The following LRRK2 variants were observed in gnomAD, a reference collection of about 807,000 sequenced individuals.
LRRK2 encodes the protein leucine-rich repeat serine/threonine-protein kinase 2.
Under a neutral mutation model 302.6 loss-of-function variants are expected in LRRK2, and 203 were observed. That is an observed-to-expected ratio of 0.67 (90% CI 0.60 to 0.75). The LOEUF (loss-of-function observed/expected upper bound fraction) is 0.75, where lower values mean the gene tolerates loss of function less well. Among genes scored for constraint, LRRK2 ranks in the 30% least tolerant of loss-of-function variants. The pLI is 0.00. For synonymous variants in LRRK2, 1,066 were observed against 1,031.9 expected (o/e 1.03, Z -0.63); for missense variants, 2,830 against 2,951.0 (o/e 0.96, Z 0.95).
intron 33 of LRRK2, 87 bp downstream of exon 33, chr12:40,315,387 G>T: frequency 8.9e-7 from 1 of 1,125,850 alleles, no homozygotes; most frequent in East Asian, 2.4e-5. Flanking sequence ...TTTAGAATTT[G>T]GGTTTAGTTA....
At chr12:40,257,403 A>G in intron 12 of LRRK2, 26 bp downstream of exon 12, 1 of 1,603,552 alleles carries the variant, frequency 6.2e-7, no homozygotes, top group South Asian at 1.1e-5. Flanking sequence ...TAACTTGTAC[A>G]GAATATATCA....
intron 38 of LRRK2, among the ~76,000 whole-genome samples, chr12:40,325,880 AT>A (rs1945532096): frequency 1.3e-5 from 2 of 152,204 alleles, no homozygotes; most frequent in Admixed American, 1.3e-4. Context: ...ATATTTTAAA[AT>A]ATAAATGTAT....
intron 12 of LRRK2, 121 bp downstream of exon 12, chr12:40,257,498 A>G: frequency 2.5e-6 from 3 of 1,210,674 alleles, no homozygotes; most frequent in Non-Finnish European, 3.6e-6. Flanking sequence ...TTGAAAACTG[A>G]AGCATTTTGC....
In LRRK2 at chr12:40,298,381, A is replaced by G. The variant is rs1455298297; in HGVS notation, c.3235A>G (p.Thr1079Ala). The change falls in exon 24 of 51, where the codon ACA (threonine) becomes GCA (alanine). Residue 1079 changes from threonine (T) to alanine (A), a missense_variant. Transcript: ENST00000298910. ...DIGPSVVLDP[T>A]VKCPTLKQFN... ...TGGACCCTCAGTGGTTTTAGATCCT[A>G]CAGTGAAATGTCCAACTCTGAAACA... The G allele has an allele frequency of 3.1e-6, 5 of 1,613,880 alleles. No homozygotes were observed. Among genetic ancestry groups the G allele is most frequent in the Non-Finnish European group, 4.2e-6 (5 of 1,179,978 alleles).
chr12:40,336,482 C>A (rs1226554414), intron 40 of LRRK2, among the ~76,000 whole-genome samples: 1 of 152,142 alleles, frequency 6.6e-6, no homozygotes, highest in African/African-American at 2.4e-5. Flanking sequence ...GTATCTCTAG[C>A]TCCTAAAATA....
chr12:40,240,578 C>G lies in LRRK2; in HGVS notation c.667C>G (p.Leu223Val). The change falls in exon 6 of 51, where the codon CTT (leucine) becomes GTT (valine). Residue 223 changes from leucine to valine, a missense_variant. Physicochemically the swap from Leu to Val is conservative, Grantham distance 32. Transcript: ENST00000298910. ...TNFKDEEEIV[L>V]HVLHCLHSLA... is the part of the protein sequence containing the mutation. ...TTTTAAAGATGAAGAGGAAATTGTG[C>G]TTCATGTGCTGCATTGTTTACATTC... 1 of 1,613,322 alleles carries G rather than the reference C, an allele frequency of 6.2e-7. No individual in the cohort carries two copies. The highest frequency in any genetic ancestry group is 8.5e-7 in the Non-Finnish European group (1 of 1,179,584).
At chr12:40,364,030 C>T (rs1288975004) in intron 48 of LRRK2, among the ~76,000 whole-genome samples, 3 of 151,958 alleles carry the variant, frequency 2.0e-5, no homozygotes, top group Admixed American at 1.3e-4. Context: ...AGTGCTTAGT[C>T]TGATGCAGCC....
At chr12:40,271,041 T>G (rs1943213793) in intron 14 of LRRK2, among the ~76,000 whole-genome samples, 1 of 152,064 alleles carries the variant, frequency 6.6e-6, no homozygotes, top group Non-Finnish European at 1.5e-5. Flanking sequence ...CCTCCCAAAG[T>G]GCTGAGATTA....
At chr12:40,250,262 C>T (rs530785850) in intron 8 of LRRK2, among the ~76,000 whole-genome samples, 7 of 152,096 alleles carry the variant, frequency 4.6e-5, no homozygotes, top group Non-Finnish European at 7.4e-5. Flanking sequence ...GAGGCCGAGG[C>T]GGGTGGATCA....
chr12:40,235,529 G>C (rs773467582), intron 3 of LRRK2, 97 bp from the exon 4 acceptor site: 405 of 762,356 alleles, frequency 5.3e-4, no homozygotes, highest in Non-Finnish European at 8.0e-4. Flanking sequence ...TAAATACAAT[G>C]AGAGTAATAA....
At chr12:40,328,210 G>A (rs930071824) in intron 38 of LRRK2, 150 bp from the exon 39 acceptor site, 2 of 658,346 alleles carry the variant, frequency 3.0e-6, no homozygotes, top group Admixed American at 2.5e-5. Context: ...AGAAGGAAGA[G>A]GAAATGTTAA....
chr12:40,330,890 C>T (rs1945694203), intron 39 of LRRK2, among the ~76,000 whole-genome samples: 1 of 152,246 alleles, frequency 6.6e-6, no homozygotes, highest in East Asian at 1.9e-4. Context: ...AGAATTGCAT[C>T]ATCTATTATT....
At chr12:40,265,369 C>T (rs187673321) in intron 14 of LRRK2, among the ~76,000 whole-genome samples, 4 of 152,102 alleles carry the variant, frequency 2.6e-5, no homozygotes, top group South Asian at 2.1e-4. Flanking sequence ...GATGCAGCAT[C>T]GAGTAATTTA....
At position 40,335,167 on chromosome 12, in the gene LRRK2, T is replaced by C. The variant is rs200121031; in HGVS notation, c.5948+10T>C. On this transcript the variant is annotated intron_variant, in intron 40 of 50. Coordinates refer to ENST00000298910, the MANE Select transcript of LRRK2 (RefSeq NM_198578.4). ...TAGCTGATGGTTTGAGGTAAGTAGG[T>C]CATGTTGTTTTCTATTCAGTGCATG... 1.9e-5 allele frequency: 30 copies of C among 1,613,808 alleles called. No individual in the cohort carries two copies. Among genetic ancestry groups the C allele is most frequent in the Non-Finnish European group, 2.5e-5 (30 of 1,179,834 alleles).
At chr12:40,243,506 G>C in intron 6 of LRRK2, 44 bp from the exon 7 acceptor site, 1 of 1,603,852 alleles carries the variant, frequency 6.2e-7, no homozygotes, top group Non-Finnish European at 8.5e-7. Flanking sequence ...TTTGAAAGGA[G>C]AACATGGTTA....
intron 35 of LRRK2, 93 bp downstream of exon 35, chr12:40,321,281 G>A (rs17444028): frequency 0.034 from 39,907 of 1,175,796 alleles, 1,895 homozygotes; most frequent in Admixed American, 0.17. Context: ...CATATGAAAA[G>A]TAATATGCCA....
chr12:40,232,900 C>G (rs1941267350), intron 3 of LRRK2: 1 of 152,468 alleles, frequency 6.6e-6, no homozygotes. Context: ...TTCAGCACAT[C>G]TGTAGCCAAA....
At chr12:40,346,670 G>A (rs1946198156) in intron 41 of LRRK2, 83 bp from the exon 42 acceptor site, 1 of 1,245,954 alleles carries the variant, frequency 8.0e-7, no homozygotes, top group Non-Finnish European at 1.2e-6. Flanking sequence ...TCTCTTATTT[G>A]GCATATAGCC....
chr12:40,239,514 G>C (rs1020246732), intron 5 of LRRK2, among the ~76,000 whole-genome samples: 8 of 152,134 alleles, frequency 5.3e-5, no homozygotes, highest in African/African-American at 1.9e-4. Flanking sequence ...TAAGACACTG[G>C]AGGTAGACCA....
Sources: allele counts gnomAD v4.1 joint callset (sites outside exome capture counted in the v4.1 genomes callset), GRCh38; gene constraint gnomAD v4.1.1; transcripts MANE v1.5; gene names NCBI Gene and HGNC (gene_info 2026-07-23, HGNC 2026-07-21).